TDRD9: variants seen among roughly 807,000 people sequenced by gnomAD.
TDRD9 encodes the protein ATP-dependent RNA helicase TDRD9.
In TDRD9, 124 loss-of-function variants were observed where a neutral mutation model predicts 172.6. The observed-to-expected ratio is 0.72, with a 90% confidence interval of 0.62 to 0.83. The LOEUF (loss-of-function observed/expected upper bound fraction) is 0.83, where lower values mean the gene tolerates loss of function less well. TDRD9 is among the 40% of genes least tolerant of loss of function. TDRD9 has a pLI of 0.00. For missense variants in TDRD9, 1,479 were observed against 1,714.1 expected (o/e 0.86, Z 2.42); for synonymous variants, 619 against 617.1 (o/e 1.00, Z -0.05).
intron 22 of TDRD9, among the ~76,000 whole-genome samples, chr14:104,017,076 G>A (rs1303839766): frequency 1.3e-5 from 2 of 151,976 alleles, no homozygotes; most frequent in African/African-American, 4.8e-5. Flanking sequence ...TGGCACCTCT[G>A]CTCCTGCTGG....
chr14:103,968,080 C>T (rs746259409), intron 5 of TDRD9, among the ~76,000 whole-genome samples: 52 of 152,220 alleles, frequency 3.4e-4, no homozygotes, highest in Admixed American at 2.6e-3. Context: ...TCTCTGCCTA[C>T]GTGGCCTTTG....
rs534518497 is a variant in TDRD9, at chr14:103,980,543, A to G, written c.1011+4990A>G. 1.3e-5 allele frequency among the ~76,000 whole-genome samples: 2 copies of G among 152,316 alleles called. No homozygotes were observed. The highest frequency in any genetic ancestry group is 2.1e-4 in the South Asian group (1 of 4,824). On this transcript the variant is annotated intron_variant, in intron 7 of 35. Transcript: ENST00000409874. This position sits in a 1 kb window ranked among gnomAD's most constrained non-coding sequence, Gnocchi z 4.5. ...GGTGTACAGGATGGAACATGAAAGC[A>G]GACTAGGAGTGTGACCACTGAAGCA...
chr14:103,989,211 G>T (rs559374211), intron 8 of TDRD9, among the ~76,000 whole-genome samples: 73 of 152,246 alleles, frequency 4.8e-4, no homozygotes, highest in Non-Finnish European at 8.7e-4. Context: ...TTTCTTCTGA[G>T]AATTCAGCTG....
At chr14:103,944,818 G>T (rs1375808427) in intron 1 of TDRD9, among the ~76,000 whole-genome samples, 1 of 152,086 alleles carries the variant, frequency 6.6e-6, no homozygotes, top group African/African-American at 2.4e-5. Flanking sequence ...GTTCGTCTTG[G>T]CCTCCCAAAG....
chr14:103,978,928 C>A (rs1418391170), intron 7 of TDRD9, among the ~76,000 whole-genome samples: 2 of 152,148 alleles, frequency 1.3e-5, no homozygotes, highest in Non-Finnish European at 2.9e-5. Context: ...TGGGAACATT[C>A]AGTAGCCTCC....
At chr14:103,967,928 C>T (rs2032824620) in intron 5 of TDRD9, among the ~76,000 whole-genome samples, 1 of 152,156 alleles carries the variant, frequency 6.6e-6, no homozygotes, top group Non-Finnish European at 1.5e-5. Context: ...GCCCACTTTA[C>T]ATAAAAGGAA....
chr14:103,992,943 A>G (rs2033925183), intron 9 of TDRD9, among the ~76,000 whole-genome samples: 2 of 151,298 alleles, frequency 1.3e-5, no homozygotes, highest in Admixed American at 6.6e-5. Flanking sequence ...AAAAAAAAAA[A>G]AAGAATACCT....
chr14:103,965,127 G>A (rs987028867), intron 3 of TDRD9, among the ~76,000 whole-genome samples: 11 of 152,000 alleles, frequency 7.2e-5, no homozygotes, highest in Admixed American at 6.6e-4. Flanking sequence ...CATGAGAATC[G>A]TTTGAACTCA....
intron 32 of TDRD9, among the ~76,000 whole-genome samples, chr14:104,038,835 A>C (rs1289245727): frequency 6.6e-6 from 1 of 151,944 alleles, no homozygotes; most frequent in Non-Finnish European, 1.5e-5. Flanking sequence ...ACACCTGGCT[A>C]ATTTTTGTAT....
chr14:103,964,855 C>T (rs748312588), intron 3 of TDRD9, among the ~76,000 whole-genome samples: 36 of 152,124 alleles, frequency 2.4e-4, no homozygotes, highest in Non-Finnish European at 5.0e-4. Context: ...AGTAGAGTTG[C>T]ATTTAAGTGT....
rs2032159014 is a variant in TDRD9 at position 103,955,716 on chromosome 14, C to T, written c.268C>T (p.Leu90Phe). Residue 90 changes from leucine (L) to phenylalanine (F), a missense_variant, in exon 2 of 36, where the codon CTC becomes TTC. Physicochemically the swap from Leu to Phe is conservative, Grantham distance 22. Transcript: ENST00000409874. ...AGAGTATATTAACAAATACAGACAG[C>T]TCGAAGCACAAGAGCTTGATGTGTG... ...EVEYINKYRQLEAQELDVCRS... is the reference protein window; with the variant it reads ...EVEYINKYRQFEAQELDVCRS... 2 of 1,551,352 alleles carry T rather than the reference C, an allele frequency of 1.3e-6. No individual in the cohort carries two copies. Among genetic ancestry groups the T allele is most frequent in the East Asian group, 4.9e-5 (2 of 40,910 alleles).
intron 23 of TDRD9, among the ~76,000 whole-genome samples, chr14:104,020,942 A>T (rs2152238154): frequency 6.6e-6 from 1 of 151,916 alleles, no homozygotes; most frequent in African/African-American, 2.4e-5. Flanking sequence ...GGGACACCGA[A>T]ATATGGGCTG....
chr14:104,046,459 A>C (rs565577408), intron 34 of TDRD9, among the ~76,000 whole-genome samples: 139 of 152,278 alleles, frequency 9.1e-4, no homozygotes, highest in African/African-American at 3.2e-3. Context: ...TGGTGATGAC[A>C]TCATTTACTG....
intron 1 of TDRD9, among the ~76,000 whole-genome samples, chr14:103,931,822 C>A (rs2152113082): frequency 6.6e-6 from 1 of 152,280 alleles, no homozygotes; most frequent in Non-Finnish European, 1.5e-5. Flanking sequence ...AAGCAGAGAA[C>A]TTTCTCAGGC....
rs1055386868 is a variant in TDRD9 at position 103,992,788 on chromosome 14, G to T, written c.1181-1544G>T. Among the ~76,000 whole-genome samples the T allele has an allele frequency of 1.3e-4, 20 of 152,042 alleles. 1 individual carries two copies. The highest frequency in any genetic ancestry group is 4.6e-4 in the African/African-American group (19 of 41,496). On this transcript the variant is annotated intron_variant, in intron 9 of 35. Coordinates refer to ENST00000409874, the MANE Select transcript of TDRD9 (RefSeq NM_153046.3). The stretch of plus-strand genomic sequence containing the variant: ...AATACAAAAAAAATTAGCCGGGCAT[G>T]GTGGCGGGCACCTGTGGTCCCAGCT...
At chr14:103,991,351 G>A in intron 9 of TDRD9, 127 bp downstream of exon 9, 1 of 937,450 alleles carries the variant, frequency 1.1e-6, no homozygotes, top group Non-Finnish European at 1.6e-6. Flanking sequence ...CTTTGAGTAT[G>A]TGAACAAATG....
At chr14:104,051,856 G>T in intron 35 of TDRD9, 125 bp from the exon 36 acceptor site, 1 of 594,664 alleles carries the variant, frequency 1.7e-6, no homozygotes, top group Non-Finnish European at 3.1e-6. Context: ...GTAGAGAAGT[G>T]TTCTGTAAAT....
chr14:103,929,560 C>T (rs1252362299), intron 1 of TDRD9, among the ~76,000 whole-genome samples: 1 of 151,522 alleles, frequency 6.6e-6, no homozygotes, highest in African/African-American at 2.4e-5. Context: ...CACTTTGTTA[C>T]CCAGGCTGGA....
chr14:103,991,714 C>G (rs2152198069), intron 9 of TDRD9, among the ~76,000 whole-genome samples: 1 of 151,722 alleles, frequency 6.6e-6, no homozygotes, highest in South Asian at 2.1e-4. Flanking sequence ...CCCGGCCAAC[C>G]CTTGTATTTC....
Sources: gnomAD v4.1 joint callset for allele counts (sites outside exome capture counted in the v4.1 genomes callset) on GRCh38, gnomAD v4.1.1 for gene constraint, Gnocchi (gnomAD v3.1) non-coding constraint, MANE v1.5 for transcripts, NCBI Gene and HGNC (gene_info 2026-07-23, HGNC 2026-07-21) for gene names.